Variants in PIGK observed in about 807,000 individuals in gnomAD.
PIGK encodes the protein GPI-anchor transamidase.
A neutral mutation model predicts 50.6 loss-of-function variants in PIGK; 42 were observed. The ratio of observed to expected loss-of-function variants is 0.83; its 90% confidence interval spans 0.65 to 1.07. The LOEUF (loss-of-function observed/expected upper bound fraction) is 1.07, where lower values mean the gene tolerates loss of function less well. Among genes scored for constraint, PIGK ranks in the 50% least tolerant of loss-of-function variants. The pLI is 0.00. For missense variants in PIGK, 448 were observed against 488.7 expected, an observed-to-expected ratio of 0.92 and a Z score of 0.78; for synonymous variants, 151 against 156.0, an observed-to-expected ratio of 0.97 and a Z score of 0.24.
At chr1:77,197,692 G>A (rs1656066914) in intron 3 of PIGK, among the ~76,000 whole-genome samples, 1 of 152,136 alleles carries the variant, frequency 6.6e-6, no homozygotes, top group African/African-American at 2.4e-5. Flanking sequence ...TAAACTTTGT[G>A]GTCTGGCCTA....
chr1:77,212,839 G>T (rs775227490), intron 1 of PIGK, among the ~76,000 whole-genome samples: 3 of 152,150 alleles, frequency 2.0e-5, no homozygotes, highest in Non-Finnish European at 4.4e-5. Flanking sequence ...GGAGAGAAGA[G>T]ATCACAATAC....
At chr1:77,127,959 T>C (rs1473129711) in intron 9 of PIGK, among the ~76,000 whole-genome samples, 1 of 152,182 alleles carries the variant, frequency 6.6e-6, no homozygotes. Flanking sequence ...CAAGATATAA[T>C]TGATAAACCT....
chr1:77,106,308 TGA>T (rs970269163), intron 10 of PIGK, among the ~76,000 whole-genome samples: 2 of 152,174 alleles, frequency 1.3e-5, no homozygotes, highest in African/African-American at 4.8e-5. Context: ...ATCCTCCTTC[TGA>T]GATACATAGG....
chr1:77,142,678 AGC>A (rs1654674937), intron 9 of PIGK, among the ~76,000 whole-genome samples: 2 of 152,190 alleles, frequency 1.3e-5, no homozygotes, highest in Admixed American at 1.3e-4. Context: ...GAGAAGTGCA[AGC>A]AGGGGAAAGG....
chr1:77,173,578 T>C (rs559238515), intron 3 of PIGK, among the ~76,000 whole-genome samples: 3 of 152,326 alleles, frequency 2.0e-5, no homozygotes, highest in African/African-American at 7.2e-5. Context: ...CCTCTCTCTG[T>C]GCAAACTGGT....
At chr1:77,111,307 CAT>C (rs984637356) in intron 10 of PIGK, among the ~76,000 whole-genome samples, 2 of 152,094 alleles carry the variant, frequency 1.3e-5, no homozygotes, top group African/African-American at 2.4e-5. Context: ...CACATGCACA[CAT>C]ATGTTTATTG....
intron 10 of PIGK, among the ~76,000 whole-genome samples, chr1:77,111,140 C>T (rs1040049475): frequency 2.0e-5 from 3 of 152,158 alleles, no homozygotes; most frequent in Non-Finnish European, 4.4e-5. Flanking sequence ...GAAATAGGAA[C>T]ACTTTTACAC....
At chr1:77,179,314 AG>A (rs1482135508) in intron 3 of PIGK, among the ~76,000 whole-genome samples, 4 of 152,238 alleles carry the variant, frequency 2.6e-5, no homozygotes. Context: ...AATAACCAAA[AG>A]GGGGGAATTG....
intron 9 of PIGK, among the ~76,000 whole-genome samples, chr1:77,152,634 G>A: frequency 6.6e-6 from 1 of 151,110 alleles, no homozygotes; most frequent in South Asian, 2.1e-4. Context: ...GAAAATATAA[G>A]GAATTTGAAA....
chr1:77,144,787 A>C (rs1202317164), intron 9 of PIGK, among the ~76,000 whole-genome samples: 1 of 151,968 alleles, frequency 6.6e-6, no homozygotes, highest in African/African-American at 2.4e-5. Context: ...AAATGACAAA[A>C]TGAGTAATTT....
At position 77,219,397 on chromosome 1, in the gene PIGK, G is replaced by C. The variant is rs754557162; in HGVS notation, c.6C>G (p.Ala2=). ...CAGCCCGGCTGAGGCTGTCGGTGAC[G>C]GCCATGTTTACCGGCTTCAGACTTC... The part of the protein sequence containing the change: M[A]VTDSLSRAAT... Residue 2 remains alanine, a synonymous_variant, in exon 1 of 11, where the codon GCC becomes GCG. Transcript: ENST00000370812. The C allele has an allele frequency of 6.8e-6, 11 of 1,612,936 alleles. No homozygotes were observed. Among genetic ancestry groups the C allele is most frequent in the Non-Finnish European group, 5.1e-6 (6 of 1,179,410 alleles).
intron 5 of PIGK, among the ~76,000 whole-genome samples, chr1:77,164,993 C>A (rs1488059441): frequency 6.6e-6 from 1 of 152,064 alleles, no homozygotes; most frequent in African/African-American, 2.4e-5. Context: ...GGCTTGTGAG[C>A]CATATTGTCT....
chr1:77,151,344 C>T (rs938124955), intron 9 of PIGK, among the ~76,000 whole-genome samples: 3 of 152,112 alleles, frequency 2.0e-5, no homozygotes, highest in Non-Finnish European at 4.4e-5. Flanking sequence ...AAGGAACATA[C>T]ATCAACATGA....
chr1:77,207,803 GC>G (rs1656322278), intron 2 of PIGK, among the ~76,000 whole-genome samples: 1 of 152,006 alleles, frequency 6.6e-6, no homozygotes, highest in Non-Finnish European at 1.5e-5. Context: ...AAGTGTTCTT[GC>G]CCCTGACAAA....
intron 9 of PIGK, among the ~76,000 whole-genome samples, chr1:77,150,026 A>T (rs1250773898): frequency 6.6e-6 from 1 of 152,198 alleles, no homozygotes; most frequent in Non-Finnish European, 1.5e-5. Context: ...AAGAAAATTT[A>T]AAAATGTCTT....
At chr1:77,158,064 T>C (rs986515204) in intron 8 of PIGK, among the ~76,000 whole-genome samples, 3 of 152,246 alleles carry the variant, frequency 2.0e-5, no homozygotes, top group Non-Finnish European at 4.4e-5. Context: ...TCACCCAGGC[T>C]GGAGTGCAGT....
At chr1:77,094,633 A>G (rs1570175071) in intron 10 of PIGK, among the ~76,000 whole-genome samples, 1 of 152,186 alleles carries the variant, frequency 6.6e-6, no homozygotes, top group East Asian at 1.9e-4. Flanking sequence ...CTGAGGTTGT[A>G]ATTTTACTAT....
intron 2 of PIGK, among the ~76,000 whole-genome samples, chr1:77,210,018 T>C (rs1258776867): frequency 1.3e-5 from 2 of 152,050 alleles, no homozygotes; most frequent in Non-Finnish European, 2.9e-5. Flanking sequence ...TCTGTATAAC[T>C]TGAACTTCTA....
intron 9 of PIGK, 90 bp downstream of exon 9, chr1:77,154,359 A>T (rs1331035151): frequency 1.1e-6 from 1 of 903,016 alleles, no homozygotes; most frequent in Non-Finnish European, 1.7e-6. Context: ...ATTTACAAAC[A>T]CCAACTTTTG....
Sources: gnomAD v4.1 joint callset for allele counts (sites outside exome capture counted in the v4.1 genomes callset) on GRCh38, gnomAD v4.1.1 for gene constraint, MANE v1.5 for transcripts, NCBI Gene and HGNC (gene_info 2026-07-23, HGNC 2026-07-21) for gene names.